PXDN: variants seen among roughly 807,000 people sequenced by gnomAD.
The protein encoded by PXDN is peroxidasin.
A neutral mutation model predicts 140.3 loss-of-function variants in PXDN; 77 were observed. That is an observed-to-expected ratio of 0.55 (90% CI 0.46 to 0.66). The LOEUF is 0.66. Ranked by LOEUF, PXDN falls within the 30% of genes least tolerant of loss-of-function variation. PXDN has a pLI of 0.00. For synonymous variants in PXDN, 911 were observed against 857.4 expected, an observed-to-expected ratio of 1.06 and a Z score of -1.09; for missense variants, 1,838 against 2,039.5, an observed-to-expected ratio of 0.90 and a Z score of 1.90.
At chr2:1,744,165 CTCCGCG>C in intron 1 of PXDN, 85 bp downstream of exon 1, 1 of 1,273,482 alleles carries the variant, frequency 7.9e-7, no homozygotes, top group South Asian at 2.0e-5. Context: ...CCCCTCCACC[CTCCGCG>C]CCCCCCACCT....
chr2:1,692,598 G>C (rs1014726600), intron 2 of PXDN: 12 of 472,220 alleles, frequency 2.5e-5, no homozygotes, highest in African/African-American at 2.2e-4. Context: ...TGCAGAGCCT[G>C]AGGTCTGCAC....
intron 1 of PXDN, among the ~76,000 whole-genome samples, chr2:1,699,736 A>AAAAT (rs370603263): frequency 6.7e-6 from 1 of 150,124 alleles, no homozygotes; most frequent in African/African-American, 2.4e-5. Flanking sequence ...CAAACAAACA[A>AAAAT]AAATAAATAA....
chr2:1,677,591 T>G (rs1289800496), intron 7 of PXDN, among the ~76,000 whole-genome samples: 3 of 152,028 alleles, frequency 2.0e-5, no homozygotes, highest in Non-Finnish European at 4.4e-5. Context: ...TGCCCGTGAC[T>G]CCACATGGCT....
Position 1,687,847 on chromosome 2 carries a change from T to C in PXDN, c.345-144A>G. ...GCAAACAAACCATCTGCACGGTGAG[T>C]ACAGTGCCTCTCCCAAGGGCTTCCC... On this transcript the variant is annotated intron_variant, in intron 3 of 22. Coordinates refer to ENST00000252804, the MANE Select transcript of PXDN (RefSeq NM_012293.3). This position sits in a 1 kb window ranked among gnomAD's most constrained non-coding sequence, Gnocchi z 4.0. 1.7e-6 allele frequency: 1 copy of C among 572,154 alleles called. No homozygotes were observed. Among genetic ancestry groups the C allele is most frequent in the East Asian group, 3.1e-5 (1 of 31,946 alleles). The allele number at this position is 572,154 out of a possible 1,614,324, so 35.4% of individuals were successfully genotyped here. A position where few individuals can be genotyped will look rare whatever the true frequency, so the allele number is the denominator to read the frequency against.
At chr2:1,656,863 C>T (rs1259490170) in intron 14 of PXDN, among the ~76,000 whole-genome samples, 1 of 151,444 alleles carries the variant, frequency 6.6e-6, no homozygotes, top group Admixed American at 6.6e-5. Flanking sequence ...CTTGCCCCCT[C>T]CTGACTGAAA....
intron 1 of PXDN, among the ~76,000 whole-genome samples, chr2:1,711,644 C>CCCGCTCT (rs1684788899): frequency 7.8e-6 from 1 of 128,460 alleles, no homozygotes; most frequent in Non-Finnish European, 1.6e-5. Flanking sequence ...TCCACCAGCA[C>CCCGCTCT]CCACTCCACC....
intron 1 of PXDN, among the ~76,000 whole-genome samples, chr2:1,711,015 TCC>T (rs1208681305): frequency 1.8e-5 from 1 of 57,112 alleles, no homozygotes; most frequent in Non-Finnish European, 3.7e-5. Context: ...GCACCCACTC[TCC>T]ACCAGCACCC....
chr2:1,648,087 C>G lies in PXDN; in HGVS notation c.3608+85G>C. On this transcript the variant is annotated intron_variant, in intron 17 of 22. Coordinates refer to ENST00000252804, the MANE Select transcript of PXDN (RefSeq NM_012293.3). The surrounding 1 kb of genome is among the most constrained non-coding windows in gnomAD (Gnocchi z 8.9). ...GCACGACACGAACAAAACTCACACA[C>G]AGAGACAAATAACACACACACCACA... The G allele has an allele frequency of 1.3e-6, 2 of 1,506,310 alleles. No homozygotes were observed. Among genetic ancestry groups the G allele is most frequent in the Non-Finnish European group, 1.8e-6 (2 of 1,109,190 alleles). The allele number at this position is 1,506,310 out of a possible 1,614,324, so 93.3% of individuals were successfully genotyped here. A position where few individuals can be genotyped will look rare whatever the true frequency, so the allele number is the denominator to read the frequency against.
At chr2:1,715,492 T>C (rs1249631894) in intron 1 of PXDN, among the ~76,000 whole-genome samples, 1 of 152,216 alleles carries the variant, frequency 6.6e-6, no homozygotes, top group Non-Finnish European at 1.5e-5. Context: ...AACGCCTTCC[T>C]GTTATGAAAA....
At position 1,741,928 on chromosome 2, in the gene PXDN, C is replaced by G. The variant is rs73910873; in HGVS notation, c.200+2328G>C. On this transcript the variant is annotated intron_variant, in intron 1 of 22. Coordinates refer to ENST00000252804, the MANE Select transcript of PXDN (RefSeq NM_012293.3). ...CTACCAGACCATGCCCCCAGAGACC[C>G]CTCAACAGGATATCCCCGCAGAATA... Among the ~76,000 whole-genome samples the G allele has an allele frequency of 6.7e-3, 1,022 of 152,230 alleles. 16 individuals are homozygous for G. The highest frequency in any genetic ancestry group is 0.024 in the African/African-American group (987 of 41,548).
chr2:1,645,380 A>C (rs1682826929), intron 17 of PXDN, among the ~76,000 whole-genome samples: 1 of 151,852 alleles, frequency 6.6e-6, no homozygotes, highest in Non-Finnish European at 1.5e-5. Flanking sequence ...AGCTAATCTC[A>C]TCTTAGAACT....
In PXDN at chr2:1,735,800, T is replaced by TTTGAAGCC. The variant is rs1378610927; in HGVS notation, c.200+8448_200+8455dup. On this transcript the variant is annotated intron_variant, in intron 1 of 22. Coordinates refer to ENST00000252804, the MANE Select transcript of PXDN (RefSeq NM_012293.3). The stretch of plus-strand genomic sequence containing the variant: ...AAGAGTTCACCCTGTCCTTTGAAGC[T>TTTGAAGCC]TTGAAGCCAGGCAATGACTTCTCCT... Among the ~76,000 whole-genome samples the TTTGAAGCC allele has an allele frequency of 2.0e-5, 3 of 152,310 alleles. No homozygotes were observed. In the East Asian group the frequency reaches 5.8e-4, roughly 29 times the overall value.
chr2:1,649,547 C>T lies in PXDN; in HGVS notation c.2233G>A (p.Asp745Asn), dbSNP rs764685401. Reference sequence around the variant, plus strand: ...TGCTGCAGGTTGTTACAGGTGCCGTCGTGCGTCCGGTACTTCTGGTGGAAG... The same window carrying T: ...TGCTGCAGGTTGTTACAGGTGCCGTTGTGCGTCCGGTACTTCTGGTGGAAG... ...MCFHQKYRTH[D>N]GTCNNLQHPM... The change falls in exon 17 of 23, where the codon GAC becomes AAC. Residue 745 changes from aspartate to asparagine, a missense_variant. Coordinates refer to ENST00000252804, the MANE Select transcript of PXDN (RefSeq NM_012293.3). This position sits in a 1 kb window ranked among gnomAD's most constrained non-coding sequence, Gnocchi z 7.1. 3 of 1,614,010 alleles carry T rather than the reference C, an allele frequency of 1.9e-6. No homozygotes were observed. The highest frequency in any genetic ancestry group is 2.2e-5 in the East Asian group (1 of 44,866).
Position 1,700,865 on chromosome 2 carries a change from ACT to A in PXDN, c.201-7733_201-7732del, listed in dbSNP as rs149805835. 0.023 allele frequency among the ~76,000 whole-genome samples: 3,447 copies of A among 152,220 alleles called. 264 individuals carry two copies. The East Asian group carries it at 0.29, about 13-fold the overall frequency. On this transcript the variant is annotated intron_variant, in intron 1 of 22. Coordinates refer to ENST00000252804, the MANE Select transcript of PXDN (RefSeq NM_012293.3). ...ACTCCAGTCTGGGCGACACAGCGAGACTCTGTCTCAACAACAACAAAAAATCA... is the reference window on the plus strand; with the variant it reads ...ACTCCAGTCTGGGCGACACAGCGAGACTGTCTCAACAACAACAAAAAATCA...
At chr2:1,635,604 G>A (rs1682531503) in intron 21 of PXDN, 83 bp from the exon 22 acceptor site, 4 of 997,128 alleles carry the variant, frequency 4.0e-6, no homozygotes, top group Non-Finnish European at 6.2e-6. Context: ...TTATTTCACT[G>A]AAAATAATGC....
At chr2:1,723,126 A>G (rs1685092124) in intron 1 of PXDN, among the ~76,000 whole-genome samples, 1 of 152,168 alleles carries the variant, frequency 6.6e-6, no homozygotes, top group South Asian at 2.1e-4. Flanking sequence ...AGATGGACTA[A>G]TGAATGGATA....
rs1682651444 is a variant in PXDN, at chr2:1,639,134, T to C, written c.4074-156A>G. Among the ~76,000 whole-genome samples, 1 of 151,182 alleles carries C rather than the reference T, an allele frequency of 6.6e-6. No individual in the cohort carries two copies. The highest frequency in any genetic ancestry group is 6.6e-5 in the Admixed American group (1 of 15,174). ...TGTGCACCGCCCCTGATGCTCTGAG[T>C]GGGCAGCACAGCAGGACGCAGGCTG... On this transcript the variant is annotated intron_variant, in intron 20 of 22. Coordinates refer to ENST00000252804, the MANE Select transcript of PXDN (RefSeq NM_012293.3). This position sits in a 1 kb window ranked among gnomAD's most constrained non-coding sequence, Gnocchi z 5.0.
chr2:1,641,370 G>A (rs548611492), intron 19 of PXDN, among the ~76,000 whole-genome samples: 44 of 152,048 alleles, frequency 2.9e-4, no homozygotes, highest in Non-Finnish European at 5.6e-4. Flanking sequence ...GGCTAGTCTC[G>A]AACTCCTAAC....
At chr2:1,670,366 T>C (rs1050916833) in intron 9 of PXDN, among the ~76,000 whole-genome samples, 2 of 152,138 alleles carry the variant, frequency 1.3e-5, no homozygotes, top group Non-Finnish European at 1.5e-5. Context: ...TAAGATATCA[T>C]CTAAGAAAAA....
Sources: gnomAD v4.1 joint callset for allele counts (sites outside exome capture counted in the v4.1 genomes callset) on GRCh38, gnomAD v4.1.1 for gene constraint, Gnocchi (gnomAD v3.1) non-coding constraint, MANE v1.5 for transcripts, NCBI Gene and HGNC (gene_info 2026-07-23, HGNC 2026-07-21) for gene names.